The following INSYN2B variants were observed in gnomAD, a reference collection of about 807,000 sequenced individuals.
INSYN2B encodes the protein inhibitory synaptic factor family member 2B.
INSYN2B carries 16 observed loss-of-function variants against 41.2 expected under a neutral mutation model. The observed-to-expected ratio is 0.39, with a 90% CI of 0.26 to 0.59. INSYN2B has a LOEUF of 0.59. INSYN2B is among the 20% of genes least tolerant of loss of function. The pLI, the probability that INSYN2B is intolerant of heterozygous loss-of-function variation, is 0.57. For synonymous variants in INSYN2B, 245 were observed against 244.4 expected (o/e 1.00, Z -0.02); for missense variants, 608 against 646.4 (o/e 0.94, Z 0.64).
intron 1 of INSYN2B, among the ~76,000 whole-genome samples, chr5:169,952,816 A>G (rs1290607809): frequency 6.6e-6 from 1 of 152,210 alleles, no homozygotes; most frequent in Non-Finnish European, 1.5e-5. Flanking sequence ...TGAAGCCACC[A>G]GAATACATAA....
At chr5:169,938,107 G>T (rs1018179743) in intron 1 of INSYN2B, among the ~76,000 whole-genome samples, 1 of 152,222 alleles carries the variant, frequency 6.6e-6, no homozygotes, top group Non-Finnish European at 1.5e-5. Flanking sequence ...ACCAGCCATG[G>T]AGGTTATACT....
In INSYN2B at chr5:169,885,241, C is replaced by T. The variant is rs1289653325; in HGVS notation, c.-918-425G>A. 2.6e-5 allele frequency among the ~76,000 whole-genome samples: 4 copies of T among 152,214 alleles called. No individual in the cohort carries two copies. The East Asian group carries it at 7.7e-4, about 29-fold the overall frequency. ...GTGTATGTATTTATTTAATGTGCAT[C>T]TCCTCCACTACCCTGTAGACTCCGG... On this transcript the variant is annotated intron_variant, in intron 1 of 3. Transcript: ENST00000377365.
At chr5:169,974,843 C>G (rs553873965) in intron 1 of INSYN2B, among the ~76,000 whole-genome samples, 1 of 150,372 alleles carries the variant, frequency 6.7e-6, no homozygotes, top group African/African-American at 2.5e-5. Flanking sequence ...CCCCTCCCCC[C>G]GACACACACA....
chr5:169,862,360 G>A lies in INSYN2B; in HGVS notation c.*1913C>T, dbSNP rs867626094. On this transcript the variant is annotated 3_prime_UTR_variant, in exon 4 of 4. Coordinates refer to ENST00000377365, the MANE Select transcript of INSYN2B (RefSeq NM_001129891.3). ...GAGAATATAAATTCACATGAAATTA[G>A]CGTAAGCAAAGCAAATTAAGATGGA... is the stretch of plus-strand genomic sequence containing the variant. Among the ~76,000 whole-genome samples the A allele has an allele frequency of 1.6e-4, 24 of 152,202 alleles. No homozygotes were observed. Among genetic ancestry groups the A allele is most frequent in the African/African-American group, 5.8e-4 (24 of 41,446 alleles).
chr5:169,912,498 C>A (rs1034424980), intron 1 of INSYN2B, among the ~76,000 whole-genome samples: 1 of 152,128 alleles, frequency 6.6e-6, no homozygotes, highest in Non-Finnish European at 1.5e-5. Context: ...TTCTTAGGGT[C>A]TTATTGAGAC....
chr5:169,904,878 C>T (rs1032154222), intron 1 of INSYN2B, among the ~76,000 whole-genome samples: 5 of 152,124 alleles, frequency 3.3e-5, no homozygotes, highest in Non-Finnish European at 5.9e-5. Context: ...CACTGCTCCA[C>T]GGCTGGAGCA....
At chr5:169,916,596 G>A (rs1774887001) in intron 1 of INSYN2B, among the ~76,000 whole-genome samples, 1 of 152,200 alleles carries the variant, frequency 6.6e-6, no homozygotes, top group South Asian at 2.1e-4. Flanking sequence ...TTCATAGGAT[G>A]AAACAAGTTA....
At chr5:169,867,950 C>T (rs1362742450) in intron 3 of INSYN2B, among the ~76,000 whole-genome samples, 1 of 152,196 alleles carries the variant, frequency 6.6e-6, no homozygotes, top group African/African-American at 2.4e-5. Flanking sequence ...ACCAGGAACA[C>T]ACATAGTTCA....
intron 1 of INSYN2B, among the ~76,000 whole-genome samples, chr5:169,888,230 A>G (rs61231015): frequency 0.035 from 5,387 of 152,210 alleles, 193 homozygotes; most frequent in African/African-American, 0.091. Flanking sequence ...ACACCTGGCT[A>G]AAAGCACCCT....
At chr5:169,931,799 G>C (rs1427023660) in intron 1 of INSYN2B, among the ~76,000 whole-genome samples, 1 of 152,184 alleles carries the variant, frequency 6.6e-6, no homozygotes, top group Non-Finnish European at 1.5e-5. Flanking sequence ...ACAATTCCCA[G>C]CTAGCCCCAG....
intron 1 of INSYN2B, among the ~76,000 whole-genome samples, chr5:169,938,998 G>A (rs574663996): frequency 1.3e-5 from 2 of 150,488 alleles, no homozygotes; most frequent in East Asian, 2.0e-4. Flanking sequence ...CCGCCTCCTG[G>A]GTTCACGCCA....
At chr5:169,865,787 A>C (rs1046146663) in intron 3 of INSYN2B, among the ~76,000 whole-genome samples, 1 of 152,198 alleles carries the variant, frequency 6.6e-6, no homozygotes, top group Admixed American at 6.5e-5. Flanking sequence ...CAAAGACCCC[A>C]TGTTGGTTTA....
intron 1 of INSYN2B, among the ~76,000 whole-genome samples, chr5:169,956,227 A>G (rs1220248642): frequency 6.6e-6 from 1 of 152,252 alleles, no homozygotes; most frequent in Admixed American, 6.5e-5. Flanking sequence ...GCTAAGCTGC[A>G]TAGCACAAAT....
intron 1 of INSYN2B, among the ~76,000 whole-genome samples, chr5:169,926,248 G>A (rs142769518): frequency 6.6e-6 from 1 of 152,186 alleles, no homozygotes; most frequent in African/African-American, 2.4e-5. Flanking sequence ...TCACCTGATT[G>A]TCTCTCACCT....
rs188467338 is a variant in INSYN2B, at chr5:169,891,219, C to T, written c.-918-6403G>A. Among the ~76,000 whole-genome samples, 926 of 152,280 alleles carry T rather than the reference C, an allele frequency of 6.1e-3. 4 individuals are homozygous for T. Among genetic ancestry groups the T allele is most frequent in the Admixed American group, 9.2e-3 (140 of 15,292 alleles). On this transcript the variant is annotated intron_variant, in intron 1 of 3. Transcript: ENST00000377365. ...TCCTCTTTCCCCAGATCCTTCCAAGCCTGTTATCTCCAGGAGACACTCCCT... is the reference window on the plus strand; with the variant it reads ...TCCTCTTTCCCCAGATCCTTCCAAGTCTGTTATCTCCAGGAGACACTCCCT...
In INSYN2B at chr5:169,882,541, A is replaced by G. The variant is rs1772716361; in HGVS notation, c.1346+12T>C. ...CCCAGTCATTTTTAATATGAAAAAA[A>G]AATCTCCTTACCCTTCAGTGAGAGC... is the stretch of plus-strand genomic sequence containing the variant. On this transcript the variant is annotated intron_variant, in intron 2 of 3. Transcript: ENST00000377365. 2 of 1,521,014 alleles carry G rather than the reference A, an allele frequency of 1.3e-6. No individual in the cohort carries two copies. The highest frequency in any genetic ancestry group is 8.9e-7 in the Non-Finnish European group (1 of 1,128,668). 94.2% of individuals were successfully genotyped at this position (1,521,014 alleles called of 1,614,324 possible).
intron 1 of INSYN2B, among the ~76,000 whole-genome samples, chr5:169,950,672 T>A (rs1303984421): frequency 6.6e-6 from 1 of 152,236 alleles, no homozygotes; most frequent in Non-Finnish European, 1.5e-5. Context: ...TTTTGTCCAA[T>A]GTTGTGTTCC....
rs183639587 is a variant in INSYN2B, at chr5:169,880,406, T to C, written c.1421+962A>G. On this transcript the variant is annotated intron_variant, in intron 3 of 3. Coordinates refer to ENST00000377365, the MANE Select transcript of INSYN2B (RefSeq NM_001129891.3). The stretch of plus-strand genomic sequence containing the variant: ...TTAAAAGAAGACATAGGCAACCCAA[T>C]TAGGCTCCAGTTTGCTCAGGCCCTA... Among the ~76,000 whole-genome samples, 634 of 152,324 alleles carry C rather than the reference T, an allele frequency of 4.2e-3. 5 individuals carry two copies. Among genetic ancestry groups the C allele is most frequent in the African/African-American group, 0.014 (594 of 41,560 alleles).
intron 1 of INSYN2B, among the ~76,000 whole-genome samples, chr5:169,897,205 A>G (rs1260025331): frequency 6.6e-6 from 1 of 151,912 alleles, no homozygotes; most frequent in East Asian, 1.9e-4. Flanking sequence ...TTTTTTTTTG[A>G]GACAGAGTCT....
Sources: allele counts gnomAD v4.1 joint callset (sites outside exome capture counted in the v4.1 genomes callset), GRCh38; gene constraint gnomAD v4.1.1; transcripts MANE v1.5; gene names NCBI Gene and HGNC (gene_info 2026-07-23, HGNC 2026-07-21).